HEPH: variants seen among roughly 807,000 people sequenced by gnomAD.
HEPH encodes hephaestin.
HEPH carries 69 observed loss-of-function variants against 80.8 expected under a neutral mutation model. That is an observed-to-expected ratio of 0.85 (90% CI 0.70 to 1.04). The LOEUF (loss-of-function observed/expected upper bound fraction) is 1.04. Among genes scored for constraint, HEPH ranks in the 50% least tolerant of loss-of-function variants. HEPH has a pLI of 0.00. For missense variants in HEPH, 1,115 were observed against 891.3 expected (o/e 1.25, Z -3.20); for synonymous variants, 431 against 322.8 (o/e 1.34, Z -3.60).
chrX:66,190,357 A>C (rs1404303899), intron 6 of HEPH, among the ~76,000 whole-genome samples: 1 of 111,348 alleles, frequency 9.0e-6, no homozygotes, highest in Admixed American at 9.6e-5. Flanking sequence ...ACATAGTTAC[A>C]CTCTGGTTGG....
intron 5 of HEPH, 95 bp from the exon 6 acceptor site, chrX:66,189,589 A>T (rs2087680956): frequency 5.2e-6 from 5 of 970,100 alleles, no homozygotes; most frequent in Non-Finnish European, 5.7e-6. Context: ...TTATAACCTC[A>T]TTTAAATATT....
At chrX:66,229,686 G>T (rs962439027) in intron 15 of HEPH, among the ~76,000 whole-genome samples, 26 of 111,910 alleles carry the variant, frequency 2.3e-4, no homozygotes, top group Admixed American at 2.1e-3. Context: ...TCTCTAAATT[G>T]TATTAGATGG....
At chrX:66,209,012 A>C (rs1242129834) in intron 15 of HEPH, among the ~76,000 whole-genome samples, 1 of 110,946 alleles carries the variant, frequency 9.0e-6, no homozygotes, top group Non-Finnish European at 1.9e-5. Flanking sequence ...ATTCTCTTTT[A>C]TTAATTCATT....
intron 15 of HEPH, among the ~76,000 whole-genome samples, chrX:66,229,833 G>C (rs1446362391): frequency 1.8e-5 from 2 of 109,590 alleles, no homozygotes; most frequent in African/African-American, 6.7e-5. Flanking sequence ...GTGCAGGTTA[G>C]TTACATATAT....
chrX:66,210,450 G>A (rs1327057165), intron 15 of HEPH, among the ~76,000 whole-genome samples: 1 of 111,657 alleles, frequency 9.0e-6, no homozygotes, highest in Non-Finnish European at 1.9e-5. Flanking sequence ...AAAGTAAAGT[G>A]GAGGCAAAGG....
chrX:66,250,011 G>A (rs1159107661), intron 15 of HEPH, among the ~76,000 whole-genome samples: 1 of 111,130 alleles, frequency 9.0e-6, no homozygotes, highest in Non-Finnish European at 1.9e-5. Flanking sequence ...GAGGGAATTT[G>A]GACCAGATAG....
chrX:66,220,560 A>G (rs2089601567), intron 15 of HEPH, among the ~76,000 whole-genome samples: 1 of 111,878 alleles, frequency 8.9e-6, no homozygotes, highest in Non-Finnish European at 1.9e-5. Context: ...CCTAAATGAC[A>G]CAAGACCAGC....
At chrX:66,208,635 T>C (rs5918592) in intron 15 of HEPH, among the ~76,000 whole-genome samples, 274 of 10,853 alleles carry the variant, frequency 0.025, 3 homozygotes, top group African/African-American at 0.12. Flanking sequence ...TACATACATA[T>C]ATATATATAT....
chrX:66,200,651 T>C lies in HEPH; in HGVS notation c.1976T>C (p.Met659Thr). ...LGTETDVHGVMFQGNTVQLQG... is the reference protein window; with the variant it reads ...LGTETDVHGVTFQGNTVQLQG... Reference sequence around the variant, plus strand: ...ACAGAGACTGATGTGCATGGAGTCATGTTCCAGGGCAACACTGTGCAGCTT... The same window carrying C: ...ACAGAGACTGATGTGCATGGAGTCACGTTCCAGGGCAACACTGTGCAGCTT... The change falls in exon 12 of 21, where the codon ATG (methionine) becomes ACG (threonine). Residue 659 changes from methionine (M) to threonine (T), a missense_variant. Transcript: ENST00000343002. The C allele has an allele frequency of 1.7e-6, 2 of 1,211,583 alleles. No individual in the cohort carries two copies. The highest frequency in any genetic ancestry group is 1.7e-5 in the African/African-American group (1 of 57,782).
At chrX:66,213,027 TTTA>T (rs2089215621) in intron 15 of HEPH, among the ~76,000 whole-genome samples, 2 of 109,577 alleles carry the variant, frequency 1.8e-5, no homozygotes, top group African/African-American at 6.6e-5. Flanking sequence ...ATTTATTTAT[TTTA>T]TTTATTTATT....
At position 66,193,448 on chromosome X, in the gene HEPH, G is replaced by A. The variant is rs190259703; in HGVS notation, c.1233-54G>A. 86 of 827,976 alleles carry A rather than the reference G, an allele frequency of 1.0e-4. No homozygotes were observed. The African/African-American group carries it at 1.3e-3, about 13-fold the overall frequency. The allele number at this position is 827,976 out of a possible 1,213,427, so 68.2% of individuals were successfully genotyped here. ...CTTGGTGAGACTAAGGGTGAGATGG[G>A]AGTCTATTTGATACCTAATGAAATA... On this transcript the variant is annotated intron_variant, in intron 7 of 20. Transcript: ENST00000343002.
Position 66,203,538 on chromosome X carries a change from G to A in HEPH, c.2252G>A (p.Ser751Asn). 1.7e-6 allele frequency: 2 copies of A among 1,211,860 alleles called. 1 individual carries two copies. The highest frequency in any genetic ancestry group is 3.5e-5 in the South Asian group (2 of 56,956). ...GAGTGGGACTATTGCCCTGACCGGAGCTGGGAACGGGAATGGCACAACCAG... is the reference window on the plus strand; with the variant it reads ...GAGTGGGACTATTGCCCTGACCGGAACTGGGAACGGGAATGGCACAACCAG... ...EVEWDYCPDR[S>N]WEREWHNQSE... The change falls in exon 13 of 21, where the codon AGC (serine) becomes AAC (asparagine). Residue 751 changes from serine to asparagine, a missense_variant. Ser to Asn is a conservative substitution (Grantham distance 46, BLOSUM62 1). Coordinates refer to ENST00000343002, the MANE Select transcript of HEPH (RefSeq NM_001367233.3).
In HEPH at chrX:66,207,218, A is replaced by G. The variant is rs776835573; in HGVS notation, c.2315A>G (p.Asn772Ser). Residue 772 changes from asparagine to serine, a missense_variant, in exon 14 of 21, where the codon AAC (asparagine) becomes AGC (serine). By Grantham distance (46) the Asn-to-Ser change is conservative (BLOSUM62 1). Transcript: ENST00000343002. The part of the protein sequence containing the change: ...KDSYGYIFLS[N>S]KDGLLGSRYK... ...AGTTATGGTTACATTTTCCTGAGCA[A>G]CAAGGATGGGCTCCTGGGTTCCAGA... 18 of 1,207,285 alleles carry G rather than the reference A, an allele frequency of 1.5e-5. No homozygotes were observed. Among genetic ancestry groups the G allele is most frequent in the Non-Finnish European group, 1.9e-5 (17 of 893,092 alleles).
intron 1 of HEPH, among the ~76,000 whole-genome samples, chrX:66,167,915 T>C (rs2086442837): frequency 1.8e-5 from 2 of 112,214 alleles, no homozygotes; most frequent in Non-Finnish European, 3.8e-5. Flanking sequence ...ACCCAACTGA[T>C]GGAAAAATGT....
At chrX:66,251,882 G>C (rs1017304431) in intron 15 of HEPH, among the ~76,000 whole-genome samples, 1 of 112,133 alleles carries the variant, frequency 8.9e-6, no homozygotes, top group Non-Finnish European at 1.9e-5. Flanking sequence ...AGCCATGGTA[G>C]GGAATTTTTG....
At chrX:66,220,637 T>C (rs2089604662) in intron 15 of HEPH, among the ~76,000 whole-genome samples, 2 of 112,293 alleles carry the variant, frequency 1.8e-5, no homozygotes, top group Admixed American at 1.9e-4. Flanking sequence ...ATATAGCCTC[T>C]TTCCTAATTA....
intron 16 of HEPH, 50 bp downstream of exon 16, chrX:66,255,191 A>G (rs1445125816): frequency 2.4e-6 from 2 of 840,541 alleles, no homozygotes; most frequent in South Asian, 4.6e-5. Flanking sequence ...CCTGGCAAAA[A>G]GAAGCTATTA....
intron 15 of HEPH, among the ~76,000 whole-genome samples, chrX:66,229,178 A>G (rs750134429): frequency 4.4e-4 from 49 of 112,590 alleles, no homozygotes; most frequent in Admixed American, 3.8e-4. Flanking sequence ...ATAGATATAG[A>G]TATAGACATA....
At chrX:66,243,275 C>T (rs750300864) in intron 15 of HEPH, among the ~76,000 whole-genome samples, 1 of 112,065 alleles carries the variant, frequency 8.9e-6, no homozygotes, top group East Asian at 2.8e-4. Flanking sequence ...GGGAGCTAAA[C>T]TTAGAGTACA....
Sources: gnomAD v4.1 joint callset for allele counts (sites outside exome capture counted in the v4.1 genomes callset) on GRCh38, gnomAD v4.1.1 for gene constraint, MANE v1.5 for transcripts, NCBI Gene and HGNC (gene_info 2026-07-23, HGNC 2026-07-21) for gene names.